The following CYRIA variants were observed in gnomAD, a reference collection of about 807,000 sequenced individuals.
CYRIA encodes the protein CYFIP-related Rac1 interactor A.
CYRIA carries 15 observed loss-of-function variants against 43.9 expected under a neutral mutation model. The ratio of observed to expected loss-of-function variants is 0.34; its 90% CI spans 0.23 to 0.53. CYRIA has a LOEUF of 0.53. Ranked by LOEUF, CYRIA falls within the 20% of genes least tolerant of loss-of-function variation. The pLI is 0.94. For synonymous variants in CYRIA, 117 were observed against 136.0 expected (o/e 0.86, Z 0.97); for missense variants, 236 against 394.2 (o/e 0.60, Z 3.40).
chr2:16,609,808 A>G (rs1251781953), intron 2 of CYRIA, among the ~76,000 whole-genome samples: 1 of 151,864 alleles, frequency 6.6e-6, no homozygotes, highest in African/African-American at 2.4e-5. Context: ...CCTCCATATT[A>G]CAGGGGAAAA....
intron 3 of CYRIA, among the ~76,000 whole-genome samples, chr2:16,570,371 C>A (rs994432968): frequency 3.9e-5 from 6 of 152,140 alleles, no homozygotes; most frequent in African/African-American, 1.4e-4. Context: ...GATCTACGGC[C>A]TGAATGTCTC....
intron 4 of CYRIA, 30 bp downstream of exon 4, chr2:16,565,616 G>A (rs745328031): frequency 4.9e-5 from 75 of 1,519,318 alleles, no homozygotes; most frequent in Non-Finnish European, 6.7e-5. Flanking sequence ...CTCCTCGGGT[G>A]TTGTCAGTTC....
intron 2 of CYRIA, among the ~76,000 whole-genome samples, chr2:16,611,323 C>A (rs371543765): frequency 4.6e-5 from 7 of 152,128 alleles, no homozygotes; most frequent in African/African-American, 1.4e-4. Flanking sequence ...CGAGATTGCA[C>A]CACTGCACTC....
chr2:16,579,873 G>A (rs1392192093), intron 3 of CYRIA, among the ~76,000 whole-genome samples: 1 of 151,480 alleles, frequency 6.6e-6, no homozygotes, highest in African/African-American at 2.4e-5. Flanking sequence ...CAAATACTAA[G>A]CTCAAATACA....
At chr2:16,635,780 C>T (rs931233772) in intron 1 of CYRIA, among the ~76,000 whole-genome samples, 1 of 152,084 alleles carries the variant, frequency 6.6e-6, no homozygotes, top group African/African-American at 2.4e-5. Flanking sequence ...GGAGTTGAAG[C>T]GTCTTGAAAA....
intron 1 of CYRIA, among the ~76,000 whole-genome samples, chr2:16,660,988 AC>A (rs1670237842): frequency 6.6e-6 from 1 of 152,178 alleles, no homozygotes; most frequent in African/African-American, 2.4e-5. Context: ...GCTTTTCAAT[AC>A]CTCCAGCTTC....
At chr2:16,555,721 A>G (rs142804705) in intron 10 of CYRIA, among the ~76,000 whole-genome samples, 160 of 152,172 alleles carry the variant, frequency 1.1e-3, no homozygotes, top group African/African-American at 3.7e-3. Flanking sequence ...TGTGCTCCCA[A>G]TACGACTCTG....
chr2:16,637,704 T>C lies in CYRIA; in HGVS notation c.-166-13685A>G, dbSNP rs115079064. Among the ~76,000 whole-genome samples, 364 of 152,390 alleles carry C rather than the reference T, an allele frequency of 2.4e-3. 1 individual carries two copies. The highest frequency in any genetic ancestry group is 8.2e-3 in the African/African-American group (341 of 41,592). On this transcript the variant is annotated intron_variant, in intron 1 of 11. Transcript: ENST00000381323. ...TATATTGGATTGCAAACTTGAATTT[T>C]TTTATGCTAATAATGGCAAATACTT...
chr2:16,580,070 C>A (rs961859762), intron 3 of CYRIA, among the ~76,000 whole-genome samples: 3 of 152,024 alleles, frequency 2.0e-5, no homozygotes, highest in African/African-American at 7.2e-5. Flanking sequence ...GCCTCAGCCT[C>A]CTGAGTAGCT....
rs1485470789 is a variant in CYRIA at position 16,552,931 on chromosome 2, G to A, written c.*5C>T. On this transcript the variant is annotated 3_prime_UTR_variant, in exon 12 of 12. Transcript: ENST00000381323. ...GCACATAGATCCTCTTCTTTGAGCA[G>A]AGCTCTACTGAAGCATTGCTCGAAT... 2.5e-6 allele frequency: 4 copies of A among 1,583,216 alleles called. No homozygotes were observed. Among genetic ancestry groups the A allele is most frequent in the Admixed American group, 1.7e-5 (1 of 59,876 alleles).
At chr2:16,635,002 C>T (rs1669450331) in intron 1 of CYRIA, among the ~76,000 whole-genome samples, 1 of 152,216 alleles carries the variant, frequency 6.6e-6, no homozygotes, top group African/African-American at 2.4e-5. Flanking sequence ...TAAATTGTAG[C>T]TAAAGCTCTA....
At chr2:16,600,046 G>A (rs7575192) in intron 2 of CYRIA, among the ~76,000 whole-genome samples, 35,867 of 152,084 alleles carry the variant, frequency 0.24, 4,532 homozygotes, top group Admixed American at 0.31. Context: ...GTGAGCCATC[G>A]TGCCTGGCCA....
intron 5 of CYRIA, among the ~76,000 whole-genome samples, chr2:16,562,549 T>G (rs1251679629): frequency 6.6e-6 from 1 of 152,176 alleles, no homozygotes; most frequent in African/African-American, 2.4e-5. Flanking sequence ...GAAAGACCTC[T>G]GCCCCTATTG....
chr2:16,585,851 G>A (rs1667712400), intron 3 of CYRIA, among the ~76,000 whole-genome samples: 1 of 152,120 alleles, frequency 6.6e-6, no homozygotes. Context: ...TTCTAACATA[G>A]ACTCAGAAAT....
chr2:16,579,928 G>A (rs1431307418), intron 3 of CYRIA, among the ~76,000 whole-genome samples: 1 of 151,282 alleles, frequency 6.6e-6, no homozygotes, highest in Non-Finnish European at 1.5e-5. Flanking sequence ...AATGTAAATG[G>A]ACTAAGTATT....
chr2:16,577,657 G>A (rs1667397662), intron 3 of CYRIA, among the ~76,000 whole-genome samples: 1 of 152,222 alleles, frequency 6.6e-6, no homozygotes, highest in South Asian at 2.1e-4. Context: ...GTAAAAAGAA[G>A]AGTGTGAAGT....
chr2:16,651,354 A>G (rs1669971933), intron 1 of CYRIA, among the ~76,000 whole-genome samples: 1 of 152,236 alleles, frequency 6.6e-6, no homozygotes. Context: ...GTAAACATAT[A>G]CGTGTGCATG....
At chr2:16,626,442 C>A (rs1415148993) in intron 1 of CYRIA, among the ~76,000 whole-genome samples, 1 of 152,148 alleles carries the variant, frequency 6.6e-6, no homozygotes, top group African/African-American at 2.4e-5. Flanking sequence ...CCACTCAGCT[C>A]TCACCCTCAC....
intron 1 of CYRIA, among the ~76,000 whole-genome samples, chr2:16,662,256 G>C (rs895472791): frequency 2.0e-5 from 3 of 152,138 alleles, no homozygotes; most frequent in Non-Finnish European, 4.4e-5. Context: ...TTTGTACCAT[G>C]GTTTTAAGGG....
Sources: allele counts gnomAD v4.1 joint callset (sites outside exome capture counted in the v4.1 genomes callset), GRCh38; gene constraint gnomAD v4.1.1; transcripts MANE v1.5; gene names NCBI Gene and HGNC (gene_info 2026-07-23, HGNC 2026-07-21).